ZNF407: variants seen among roughly 807,000 people sequenced by gnomAD.
The protein encoded by ZNF407 is zinc finger protein 407.
A neutral mutation model predicts 131.2 loss-of-function variants in ZNF407; 17 were observed. The ratio of observed to expected loss-of-function variants is 0.13; its 90% confidence interval spans 0.09 to 0.19. The LOEUF (loss-of-function observed/expected upper bound fraction) is 0.19, where lower values mean the gene tolerates loss of function less well. Among genes scored for constraint, ZNF407 ranks in the 10% least tolerant of loss-of-function variants. ZNF407 has a pLI of 1.00. For missense variants in ZNF407, 2,681 were observed against 2,830.6 expected (o/e 0.95, Z 1.20); for synonymous variants, 1,156 against 1,062.0 (o/e 1.09, Z -1.72).
intron 3 of ZNF407, among the ~76,000 whole-genome samples, chr18:74,667,526 T>C (rs1480177104): frequency 6.6e-6 from 1 of 152,226 alleles, no homozygotes; most frequent in Non-Finnish European, 1.5e-5. Context: ...TCGTCTCTTA[T>C]ATGTGTTACT....
intron 3 of ZNF407, among the ~76,000 whole-genome samples, chr18:74,672,516 G>A (rs371703001): frequency 6.0e-5 from 9 of 150,260 alleles, no homozygotes; most frequent in South Asian, 2.1e-4. Context: ...GTCTCTGTTC[G>A]TTGGAGCACC....
intron 7 of ZNF407, among the ~76,000 whole-genome samples, chr18:74,909,041 C>T (rs1201227833): frequency 7.8e-5 from 3 of 38,248 alleles, no homozygotes; most frequent in Non-Finnish European, 1.8e-4. Context: ...CCCTTTCAAC[C>T]AAAGTTTTAT....
At chr18:74,845,091 G>A (rs1353538024) in intron 4 of ZNF407, among the ~76,000 whole-genome samples, 2 of 152,212 alleles carry the variant, frequency 1.3e-5, no homozygotes, top group Non-Finnish European at 2.9e-5. Flanking sequence ...TGCCCGGCTT[G>A]AAGGCAACCA....
intron 4 of ZNF407, among the ~76,000 whole-genome samples, chr18:74,874,492 C>T (rs949853121): frequency 5.9e-5 from 9 of 152,154 alleles, no homozygotes; most frequent in Non-Finnish European, 1.2e-4. Flanking sequence ...GGGGCATCTC[C>T]TTGGGGGGTG....
In ZNF407 at chr18:74,989,202, C is replaced by G. The variant is rs150836942; in HGVS notation, c.5428+68510C>G. Among the ~76,000 whole-genome samples, 336 of 152,244 alleles carry G rather than the reference C, an allele frequency of 2.2e-3. 2 individuals carry two copies. The highest frequency in any genetic ancestry group is 7.3e-3 in the African/African-American group (305 of 41,546). Reference sequence around the variant, plus strand: ...TTATCCTGAGAGAAAGAAGTGAGACCCAAGCAAATACTACTCTACGATTCA... The same window carrying G: ...TTATCCTGAGAGAAAGAAGTGAGACGCAAGCAAATACTACTCTACGATTCA... On this transcript the variant is annotated intron_variant, in intron 8 of 8. Coordinates refer to ENST00000299687, the MANE Select transcript of ZNF407 (RefSeq NM_017757.3).
chr18:74,743,464 T>C (rs1968597294), intron 3 of ZNF407, among the ~76,000 whole-genome samples: 1 of 152,140 alleles, frequency 6.6e-6, no homozygotes, highest in Non-Finnish European at 1.5e-5. Context: ...AATGTCTAAC[T>C]TTCATATTTA....
At chr18:74,727,971 G>T (rs1275363663) in intron 3 of ZNF407, among the ~76,000 whole-genome samples, 1 of 152,152 alleles carries the variant, frequency 6.6e-6, no homozygotes, top group Non-Finnish European at 1.5e-5. Context: ...TCAGTGTGCT[G>T]GGGAGAAGGA....
chr18:74,867,818 C>T (rs1971034915), intron 4 of ZNF407, among the ~76,000 whole-genome samples: 1 of 152,160 alleles, frequency 6.6e-6, no homozygotes, highest in African/African-American at 2.4e-5. Context: ...CTTTTCCAAA[C>T]TCTGCATATC....
At chr18:74,778,963 TATGTTAAAA>T (rs1445454829) in intron 3 of ZNF407, among the ~76,000 whole-genome samples, 1 of 151,474 alleles carries the variant, frequency 6.6e-6, no homozygotes, top group Non-Finnish European at 1.5e-5. Flanking sequence ...TTTTAAAAGT[TATGTTAAAA>T]ATGTTAAAAC....
chr18:74,813,646 T>C (rs1970228997), intron 4 of ZNF407, among the ~76,000 whole-genome samples: 1 of 152,138 alleles, frequency 6.6e-6, no homozygotes, highest in African/African-American at 2.4e-5. Context: ...GTGGCTGACC[T>C]GGAATCACCA....
chr18:74,633,206 T>G lies in ZNF407; in HGVS notation c.2187T>G (p.Gly729=). ...CGAGACATATAAAGCTTCGGCATGGTCAAGACTATCATTTTCTTTGTAAAG... is the reference window on the plus strand; with the variant it reads ...CGAGACATATAAAGCTTCGGCATGGGCAAGACTATCATTTTCTTTGTAAAG... ...VLTRHIKLRH[G]QDYHFLCKAC... is the part of the protein sequence containing the mutation. Residue 729 remains glycine (G), a synonymous_variant, in exon 2 of 9, where the codon GGT becomes GGG. Transcript: ENST00000299687. The G allele has an allele frequency of 6.2e-7, 1 of 1,613,802 alleles. No individual in the cohort carries two copies.
chr18:74,832,872 T>A (rs1197928652), intron 4 of ZNF407, among the ~76,000 whole-genome samples: 1 of 152,264 alleles, frequency 6.6e-6, no homozygotes, highest in African/African-American at 2.4e-5. Context: ...ATTTGCTGTT[T>A]ATTTTTTATT....
At chr18:74,869,725 C>T (rs2145170681) in intron 4 of ZNF407, among the ~76,000 whole-genome samples, 1 of 152,294 alleles carries the variant, frequency 6.6e-6, no homozygotes, top group African/African-American at 2.4e-5. Flanking sequence ...GGCCCACTGC[C>T]TGTTTCTGTC....
chr18:74,725,008 T>C (rs1352827124), intron 3 of ZNF407, among the ~76,000 whole-genome samples: 4 of 152,276 alleles, frequency 2.6e-5, no homozygotes, highest in African/African-American at 9.6e-5. Flanking sequence ...TCTCATTCGA[T>C]GTGTGGGAAC....
intron 8 of ZNF407, among the ~76,000 whole-genome samples, chr18:75,035,643 A>G (rs1286784442): frequency 6.6e-6 from 1 of 152,244 alleles, no homozygotes; most frequent in Non-Finnish European, 1.5e-5. Context: ...TGCCATGCAC[A>G]GGAAGGAGCA....
chr18:74,999,731 A>G (rs940148599), intron 8 of ZNF407, among the ~76,000 whole-genome samples: 4 of 152,238 alleles, frequency 2.6e-5, no homozygotes, highest in Non-Finnish European at 5.9e-5. Context: ...TTTAGGAAAT[A>G]CGTCTTGATT....
At chr18:74,713,817 G>T (rs1967827577) in intron 3 of ZNF407, among the ~76,000 whole-genome samples, 1 of 152,092 alleles carries the variant, frequency 6.6e-6, no homozygotes, top group African/African-American at 2.4e-5. Context: ...TCAGAACTCT[G>T]TAGGTAAATT....
intron 7 of ZNF407, among the ~76,000 whole-genome samples, chr18:74,911,413 T>C (rs1323662915): frequency 3.9e-5 from 6 of 152,238 alleles, no homozygotes; most frequent in Non-Finnish European, 8.8e-5. Context: ...TAGATTCCTT[T>C]AGCAGCAATT....
At position 74,631,225 on chromosome 18, in the gene ZNF407, A is replaced by G. The variant is rs3794942; in HGVS notation, c.206A>G (p.Asn69Ser). The change falls in exon 2 of 9, where the codon AAT (asparagine) becomes AGT (serine). Residue 69 changes from asparagine (N) to serine (S), a missense_variant. This residue lies in a region of ZNF407 where 1,789 missense variants were observed against 1,748.7 expected (regional missense o/e 1.02). Coordinates refer to ENST00000299687, the MANE Select transcript of ZNF407 (RefSeq NM_017757.3). ...AGTGTTGTTATAGGAGAAGACAGAA[A>G]TAAACATGCTTCCAAACGCAGGAAA... Reference protein sequence around the residue: ...SDSVVIGEDRNKHASKRRKLD... With the variant: ...SDSVVIGEDRSKHASKRRKLD... The G allele has an allele frequency of 0.062, 99,355 of 1,613,950 alleles. 3,480 individuals carry two copies. The highest frequency in any genetic ancestry group is 0.12 in the African/African-American group (8,713 of 75,028).
Sources: gnomAD v4.1 joint callset for allele counts (sites outside exome capture counted in the v4.1 genomes callset) on GRCh38, gnomAD v4.1.1 for gene constraint, gnomAD v4.1.1 regional missense constraint, MANE v1.5 for transcripts, NCBI Gene and HGNC (gene_info 2026-07-23, HGNC 2026-07-21) for gene names.